Variants in KCTD8 observed in about 807,000 individuals in gnomAD.
The protein encoded by KCTD8 is potassium channel tetramerization domain containing 8.
Under a neutral mutation model 31.5 loss-of-function variants are expected in KCTD8, and 27 were observed. The observed-to-expected ratio is 0.86, with a 90% CI of 0.63 to 1.18. KCTD8 has a LOEUF of 1.18. Ranked by LOEUF, KCTD8 falls within the 50% of genes most tolerant of loss-of-function variation. The pLI is 0.00. For missense variants in KCTD8, 658 were observed against 647.7 expected, an observed-to-expected ratio of 1.02 and a Z score of -0.17; for synonymous variants, 290 against 280.0, an observed-to-expected ratio of 1.04 and a Z score of -0.36.
intron 1 of KCTD8, among the ~76,000 whole-genome samples, chr4:44,233,807 T>G (rs1715195190): frequency 6.6e-6 from 1 of 152,178 alleles, no homozygotes; most frequent in Non-Finnish European, 1.5e-5. Flanking sequence ...CCTAAGAATT[T>G]TTTTTAAATT....
At chr4:44,429,703 T>C (rs1721428185) in intron 1 of KCTD8, among the ~76,000 whole-genome samples, 2 of 151,728 alleles carry the variant, frequency 1.3e-5, no homozygotes, top group African/African-American at 4.8e-5. Flanking sequence ...ATGGGAAATG[T>C]ATAATTGAGA....
intron 1 of KCTD8, among the ~76,000 whole-genome samples, chr4:44,441,701 G>C (rs759415360): frequency 1.2e-4 from 19 of 152,162 alleles, no homozygotes; most frequent in Admixed American, 1.2e-3. Context: ...CTAAATCATA[G>C]TGTTCTAATT....
intron 1 of KCTD8, among the ~76,000 whole-genome samples, chr4:44,218,123 C>A (rs1236124043): frequency 2.9e-5 from 4 of 136,608 alleles, no homozygotes; most frequent in African/African-American, 1.1e-4. Flanking sequence ...TTTAAAATGT[C>A]CTTTTTTTTT....
intron 1 of KCTD8, among the ~76,000 whole-genome samples, chr4:44,440,313 A>G (rs539407645): frequency 5.8e-4 from 89 of 152,324 alleles, no homozygotes; most frequent in African/African-American, 1.9e-3. Context: ...TTCATTTATA[A>G]CATTATTTTA....
intron 1 of KCTD8, among the ~76,000 whole-genome samples, chr4:44,231,241 G>A (rs1179613169): frequency 6.6e-6 from 1 of 151,962 alleles, no homozygotes; most frequent in Non-Finnish European, 1.5e-5. Context: ...CTCCCCCCAG[G>A]CCCTATCTCT....
intron 1 of KCTD8, among the ~76,000 whole-genome samples, chr4:44,317,536 GC>G (rs1718173604): frequency 7.1e-6 from 1 of 140,990 alleles, no homozygotes; most frequent in Non-Finnish European, 1.5e-5. Flanking sequence ...ACCGCGCCCG[GC>G]CCGGGTGCTT....
chr4:44,228,719 G>A (rs1220444723), intron 1 of KCTD8, among the ~76,000 whole-genome samples: 1 of 152,042 alleles, frequency 6.6e-6, no homozygotes, highest in East Asian at 1.9e-4. Context: ...AGTTTAGCTT[G>A]TTTATTTTCT....
chr4:44,400,987 C>T (rs1382006614), intron 1 of KCTD8, among the ~76,000 whole-genome samples: 1 of 148,818 alleles, frequency 6.7e-6, no homozygotes, highest in African/African-American at 2.5e-5. Flanking sequence ...CAGGTGCACA[C>T]TACCATGATG....
intron 1 of KCTD8, among the ~76,000 whole-genome samples, chr4:44,214,600 T>C (rs1197326417): frequency 2.6e-5 from 4 of 152,042 alleles, no homozygotes; most frequent in Non-Finnish European, 5.9e-5. Flanking sequence ...TTTGCAAAAA[T>C]TATAACTGAG....
chr4:44,177,946 T>A (rs1422328804), intron 1 of KCTD8, among the ~76,000 whole-genome samples: 1 of 152,178 alleles, frequency 6.6e-6, no homozygotes, highest in Admixed American at 6.5e-5. Flanking sequence ...TCAGACCCAC[T>A]CTGGCCACCA....
intron 1 of KCTD8, among the ~76,000 whole-genome samples, chr4:44,339,701 T>C (rs1477373694): frequency 1.3e-5 from 2 of 152,014 alleles, no homozygotes; most frequent in Non-Finnish European, 2.9e-5. Context: ...TAATAGTAAA[T>C]GTTAAAATGC....
In KCTD8 at chr4:44,189,126, T is replaced by C. The variant is rs529153158; in HGVS notation, c.962-13876A>G. On this transcript the variant is annotated intron_variant, in intron 1 of 1. Transcript: ENST00000360029. Reference sequence around the variant, plus strand: ...TTAACTGTTCTATTAAAATAAAATATTTTGCAGGCTCTATCGAATTATCTT... The same window carrying C: ...TTAACTGTTCTATTAAAATAAAATACTTTGCAGGCTCTATCGAATTATCTT... Among the ~76,000 whole-genome samples the C allele has an allele frequency of 1.0e-3, 155 of 152,270 alleles. 1 individual carries two copies. The highest frequency in any genetic ancestry group is 3.6e-3 in the African/African-American group (149 of 41,548).
At chr4:44,336,356 T>G (rs570047236) in intron 1 of KCTD8, among the ~76,000 whole-genome samples, 1 of 151,584 alleles carries the variant, frequency 6.6e-6, no homozygotes, top group East Asian at 1.9e-4. Context: ...AAGAACATCT[T>G]CACAGAATTG....
At chr4:44,238,570 T>C (rs943089177) in intron 1 of KCTD8, among the ~76,000 whole-genome samples, 3 of 152,150 alleles carry the variant, frequency 2.0e-5, no homozygotes, top group African/African-American at 7.2e-5. Context: ...ACGTACCACA[T>C]ATATCTATGC....
At chr4:44,257,738 A>C (rs999618231) in intron 1 of KCTD8, among the ~76,000 whole-genome samples, 1 of 152,010 alleles carries the variant, frequency 6.6e-6, no homozygotes, top group African/African-American at 2.4e-5. Flanking sequence ...TAAAAGAATG[A>C]GGATGCAAGG....
intron 1 of KCTD8, among the ~76,000 whole-genome samples, chr4:44,284,555 G>A (rs917871935): frequency 1.3e-5 from 2 of 152,108 alleles, no homozygotes; most frequent in Non-Finnish European, 1.5e-5. Context: ...TCAGGATGTA[G>A]GCATGGGCAA....
chr4:44,287,181 C>T (rs1457250462), intron 1 of KCTD8, among the ~76,000 whole-genome samples: 1 of 151,902 alleles, frequency 6.6e-6, no homozygotes, highest in Non-Finnish European at 1.5e-5. Context: ...CTTTGGGAGA[C>T]CGAAGGAGGA....
At chr4:44,432,948 TG>T (rs1340792643) in intron 1 of KCTD8, among the ~76,000 whole-genome samples, 2 of 151,684 alleles carry the variant, frequency 1.3e-5, no homozygotes, top group African/African-American at 4.8e-5. Flanking sequence ...TCTTCTCTTC[TG>T]TTACTTCTAA....
intron 1 of KCTD8, among the ~76,000 whole-genome samples, chr4:44,245,090 C>G (rs1355902653): frequency 6.6e-6 from 1 of 152,060 alleles, no homozygotes; most frequent in Non-Finnish European, 1.5e-5. Flanking sequence ...TCTAGCAATT[C>G]TCTAACATGA....
Sources: gnomAD v4.1 joint callset for allele counts (sites outside exome capture counted in the v4.1 genomes callset) on GRCh38, gnomAD v4.1.1 for gene constraint, MANE v1.5 for transcripts, NCBI Gene and HGNC (gene_info 2026-07-23, HGNC 2026-07-21) for gene names.